PPP5C: variants seen among roughly 807,000 people sequenced by gnomAD.
PPP5C encodes protein phosphatase 5 catalytic subunit.
Under a neutral mutation model 66.7 loss-of-function variants are expected in PPP5C, and 21 were observed. The ratio of observed to expected loss-of-function variants is 0.31; its 90% CI spans 0.22 to 0.45. The LOEUF (loss-of-function observed/expected upper bound fraction) is 0.45, where lower values mean the gene tolerates loss of function less well. Ranked by LOEUF, PPP5C falls within the 20% of genes least tolerant of loss-of-function variation. PPP5C has a pLI of 1.00. For synonymous variants in PPP5C, 246 were observed against 257.4 expected (o/e 0.96, Z 0.43); for missense variants, 464 against 675.9 (o/e 0.69, Z 3.48).
intron 2 of PPP5C, among the ~76,000 whole-genome samples, chr19:46,365,884 C>A (rs1246565297): frequency 1.3e-5 from 2 of 152,270 alleles, no homozygotes; most frequent in South Asian, 4.2e-4. Context: ...TGCCAGAATG[C>A]CAGTACTGTG....
In PPP5C at chr19:46,390,843, T is replaced by C; in HGVS notation, c.*497T>C. The C allele has an allele frequency of 8.8e-7, 1 of 1,132,318 alleles. No homozygotes were observed. Among genetic ancestry groups the C allele is most frequent in the Non-Finnish European group, 1.1e-6 (1 of 910,204 alleles). 70.1% of individuals were successfully genotyped at this position (1,132,318 alleles called of 1,614,324 possible). On this transcript the variant is annotated 3_prime_UTR_variant, in exon 13 of 13. Transcript: ENST00000012443. ...TAAATATGTTAAAATAAAGTCATTATCGGAAGTCAGCTTGTCTCTGGATGG... is the reference window on the plus strand; with the variant it reads ...TAAATATGTTAAAATAAAGTCATTACCGGAAGTCAGCTTGTCTCTGGATGG...
At chr19:46,384,992 G>T in intron 7 of PPP5C, 83 bp downstream of exon 7, 1 of 1,126,568 alleles carries the variant, frequency 8.9e-7, no homozygotes, top group Non-Finnish European at 1.3e-6. Context: ...AGTTGCAGCT[G>T]TATTTATTTT....
intron 2 of PPP5C, among the ~76,000 whole-genome samples, chr19:46,375,060 GC>G (rs938552043): frequency 1.1e-4 from 17 of 152,314 alleles, no homozygotes; most frequent in African/African-American, 4.1e-4. Context: ...TGCATGCCGG[GC>G]CCCCTGTGTT....
intron 2 of PPP5C, among the ~76,000 whole-genome samples, chr19:46,373,702 A>T (rs916491775): frequency 7.2e-5 from 11 of 152,164 alleles, no homozygotes; most frequent in African/African-American, 2.4e-4. Context: ...GCTGAGCCTC[A>T]GCCCTGCCCT....
intron 2 of PPP5C, among the ~76,000 whole-genome samples, chr19:46,361,305 A>G (rs1000112174): frequency 6.7e-6 from 1 of 149,990 alleles, no homozygotes; most frequent in African/African-American, 2.4e-5. Context: ...TATTTTTTGT[A>G]TTTTTATGAG....
intron 4 of PPP5C, chr19:46,382,788 C>T (rs1292846262): frequency 1.0e-6 from 1 of 1,003,606 alleles, no homozygotes; most frequent in African/African-American, 1.7e-5. Flanking sequence ...ATAATACTGA[C>T]TAAGGTAGAC....
At chr19:46,375,803 C>T in intron 3 of PPP5C, 52 bp downstream of exon 3, 1 of 1,527,774 alleles carries the variant, frequency 6.5e-7, no homozygotes, top group Non-Finnish European at 8.8e-7. Context: ...TCCACACGGG[C>T]CTTCTCCATT....
rs747498926 is a variant in PPP5C at position 46,388,758 on chromosome 19, G to A, written c.1355+27G>A. 1 of 1,600,078 alleles carries A rather than the reference G, an allele frequency of 6.2e-7. No individual in the cohort carries two copies. The highest frequency in any genetic ancestry group is 8.5e-7 in the Non-Finnish European group (1 of 1,171,546). ...TATGTCTTTGCCTTTCCAGCCCAGG[G>A]CCTCTACCAAGCCACGGGTTTTTGT... is the stretch of plus-strand genomic sequence containing the variant. On this transcript the variant is annotated intron_variant, in intron 11 of 12. Transcript: ENST00000012443. The surrounding 1 kb of genome is among the most constrained non-coding windows in gnomAD (Gnocchi z 4.9).
chr19:46,389,891 G>A lies in PPP5C; in HGVS notation c.1356-160G>A, dbSNP rs545356916. Among the ~76,000 whole-genome samples the A allele has an allele frequency of 2.7e-4, 41 of 149,708 alleles. No individual in the cohort carries two copies. The South Asian group carries it at 8.6e-3, about 32-fold the overall frequency. ...TCCTGCCCCTCCCATTCTTTCCCCT[G>A]GATTCGTCTTTCCCATCTCTGTCTC... On this transcript the variant is annotated intron_variant, in intron 11 of 12. Transcript: ENST00000012443.
Position 46,376,055 on chromosome 19 carries a change from G to A in PPP5C, c.511+304G>A, listed in dbSNP as rs1359985322. On this transcript the variant is annotated intron_variant, in intron 3 of 12. Coordinates refer to ENST00000012443, the MANE Select transcript of PPP5C (RefSeq NM_006247.4). The surrounding 1 kb of genome is among the most constrained non-coding windows in gnomAD (Gnocchi z 5.1). ...ACCTCTAGGTGCTGAGAAGATCCAA[G>A]GGATTGTTGTGGATCATCCCACAGA... 6.6e-6 allele frequency among the ~76,000 whole-genome samples: 1 copy of A among 152,196 alleles called. No individual in the cohort carries two copies. Among genetic ancestry groups the A allele is most frequent in the Non-Finnish European group, 1.5e-5 (1 of 68,040 alleles).
At chr19:46,373,828 T>G (rs1483003863) in intron 2 of PPP5C, among the ~76,000 whole-genome samples, 1 of 152,096 alleles carries the variant, frequency 6.6e-6, no homozygotes, top group Non-Finnish European at 1.5e-5. Context: ...TGACCCAGCC[T>G]CTGGGGCTTC....
At chr19:46,387,571 G>A (rs1211646138) in intron 9 of PPP5C, 118 bp downstream of exon 9, 2 of 1,574,746 alleles carry the variant, frequency 1.3e-6, no homozygotes, top group Admixed American at 1.9e-5. Flanking sequence ...GAAACAGCGG[G>A]TCTGAGCCTC....
At chr19:46,385,609 G>A (rs574726001) in intron 7 of PPP5C, among the ~76,000 whole-genome samples, 22 of 152,122 alleles carry the variant, frequency 1.4e-4, no homozygotes, top group African/African-American at 3.9e-4. Flanking sequence ...GTGAAACCCC[G>A]TCTCTACTAA....
intron 2 of PPP5C, among the ~76,000 whole-genome samples, chr19:46,359,317 C>T (rs1178131571): frequency 6.6e-6 from 1 of 151,806 alleles, no homozygotes. Context: ...TTCATTTTCT[C>T]GGAAGTAAAA....
At chr19:46,370,414 AC>A (rs553013101) in intron 2 of PPP5C, among the ~76,000 whole-genome samples, 15 of 152,130 alleles carry the variant, frequency 9.9e-5, no homozygotes, top group Admixed American at 9.2e-4. Flanking sequence ...CCACCTCCAC[AC>A]CGTGTCCCAC....
intron 2 of PPP5C, among the ~76,000 whole-genome samples, chr19:46,359,020 T>G (rs1336257077): frequency 1.3e-5 from 2 of 152,208 alleles, no homozygotes; most frequent in Non-Finnish European, 2.9e-5. Context: ...GAAAAGTTTC[T>G]TTTCTTTCTC....
chr19:46,365,858 G>A (rs548603727), intron 2 of PPP5C, among the ~76,000 whole-genome samples: 1 of 152,286 alleles, frequency 6.6e-6, no homozygotes, highest in East Asian at 1.9e-4. Context: ...TTTCAGCCCA[G>A]AAGTGCAGCC....
chr19:46,361,160 C>G (rs1972380714), intron 2 of PPP5C, among the ~76,000 whole-genome samples: 1 of 125,854 alleles, frequency 7.9e-6, no homozygotes, highest in Non-Finnish European at 1.6e-5. Flanking sequence ...GACGGAGTCT[C>G]ACTCTGTCGC....
At position 46,347,174 on chromosome 19, in the gene PPP5C, G is replaced by A. The variant is rs768621202; in HGVS notation, c.78G>A (p.Lys26=). ...RDEPPADGAL[K]RAEELKTQAN... Reference sequence around the variant, plus strand: ...AACCCCCGGCTGATGGAGCTCTGAAGCGGGCAGAGGAGCTCAAGACTCAGG... The same window carrying A: ...AACCCCCGGCTGATGGAGCTCTGAAACGGGCAGAGGAGCTCAAGACTCAGG... The change falls in exon 1 of 13, where the codon AAG becomes AAA. Residue 26 remains lysine, a synonymous_variant. Coordinates refer to ENST00000012443, the MANE Select transcript of PPP5C (RefSeq NM_006247.4). The A allele has an allele frequency of 6.2e-7, 1 of 1,606,208 alleles. No homozygotes were observed. Among genetic ancestry groups the A allele is most frequent in the South Asian group, 1.1e-5 (1 of 89,758 alleles).
Sources: gnomAD v4.1 joint callset for allele counts (sites outside exome capture counted in the v4.1 genomes callset) on GRCh38, gnomAD v4.1.1 for gene constraint, Gnocchi (gnomAD v3.1) non-coding constraint, MANE v1.5 for transcripts, NCBI Gene and HGNC (gene_info 2026-07-23, HGNC 2026-07-21) for gene names.